Variants in SLC30A7 observed in about 807,000 individuals in gnomAD.
The protein encoded by SLC30A7 is solute carrier family 30 member 7, also known as zinc transporter 7.
Under a neutral mutation model 46.0 loss-of-function variants are expected in SLC30A7, and 35 were observed. The ratio of observed to expected loss-of-function variants is 0.76; its 90% CI spans 0.58 to 1.01. The LOEUF is 1.01. SLC30A7 is among the 50% of genes least tolerant of loss of function. SLC30A7 has a pLI of 0.00. For missense variants in SLC30A7, 464 were observed against 451.1 expected (o/e 1.03, Z -0.26); for synonymous variants, 147 against 157.8 (o/e 0.93, Z 0.51).
At chr1:100,983,891 C>T (rs781644525), downstream of SLC30A7, among the ~76,000 whole-genome samples, 8 of 152,156 alleles carry the variant, frequency 5.3e-5, no homozygotes, top group Non-Finnish European at 8.8e-5. Context: ...TCTGATTAGC[C>T]GTCGCTGTCT....
intron 8 of SLC30A7, among the ~76,000 whole-genome samples, chr1:100,924,077 G>T (rs1286636658): frequency 6.6e-6 from 1 of 152,122 alleles, no homozygotes; most frequent in Admixed American, 6.5e-5. Flanking sequence ...CAATCTCCAG[G>T]TTGACCTTTC....
intron 8 of SLC30A7, among the ~76,000 whole-genome samples, chr1:100,928,131 A>G (rs778754156): frequency 2.0e-5 from 3 of 152,200 alleles, no homozygotes; most frequent in Non-Finnish European, 2.9e-5. Context: ...TCAGTGACTG[A>G]AGGGGGGCAA....
At chr1:100,930,902 T>C (rs1422202416) in intron 8 of SLC30A7, among the ~76,000 whole-genome samples, 2 of 152,156 alleles carry the variant, frequency 1.3e-5, no homozygotes, top group Non-Finnish European at 2.9e-5. Flanking sequence ...CCTTTCTCAA[T>C]TGGGAAAGAA....
chr1:100,926,070 T>A (rs1653282434), intron 8 of SLC30A7, among the ~76,000 whole-genome samples: 1 of 152,328 alleles, frequency 6.6e-6, no homozygotes, highest in Non-Finnish European at 1.5e-5. Context: ...TCAACTACAG[T>A]AGGCTTCCAA....
intron 10 of SLC30A7, among the ~76,000 whole-genome samples, chr1:100,969,681 AG>A (rs1390541391): frequency 6.6e-6 from 1 of 152,204 alleles, no homozygotes; most frequent in African/African-American, 2.4e-5. Flanking sequence ...AAATATTTTA[AG>A]CCTTTTTATC....
intron 3 of SLC30A7, among the ~76,000 whole-genome samples, chr1:100,910,172 A>C (rs1651992696): frequency 6.6e-6 from 1 of 152,088 alleles, no homozygotes; most frequent in Non-Finnish European, 1.5e-5. Flanking sequence ...CTAGAAGTTA[A>C]CATAGAAACC....
the SLC30A7 span, chr1:100,995,039 A>G: frequency 9.1e-7 from 1 of 1,101,188 alleles, no homozygotes; most frequent in South Asian, 1.3e-5. Flanking sequence ...AACTCAGGTC[A>G]TTTAAGTAGA....
chr1:100,920,055 T>G (rs559472214), intron 7 of SLC30A7, among the ~76,000 whole-genome samples: 1 of 152,086 alleles, frequency 6.6e-6, no homozygotes, highest in Non-Finnish European at 1.5e-5. Flanking sequence ...CTTTAGGTAG[T>G]TTTAATGACA....
intron 2 of SLC30A7, among the ~76,000 whole-genome samples, chr1:100,899,283 G>A (rs540379307): frequency 2.3e-4 from 35 of 152,268 alleles, no homozygotes; most frequent in Middle Eastern, 3.4e-3. Context: ...AATAATTAAT[G>A]TATGGAATTA....
At chr1:100,955,749 A>G (rs563900560) in intron 8 of SLC30A7, among the ~76,000 whole-genome samples, 17 of 152,226 alleles carry the variant, frequency 1.1e-4, no homozygotes, top group African/African-American at 2.4e-4. Flanking sequence ...GCTAAACACA[A>G]TTTTAAAAGG....
chr1:100,911,849 G>A (rs989882218), intron 4 of SLC30A7, among the ~76,000 whole-genome samples: 1 of 152,156 alleles, frequency 6.6e-6, no homozygotes, highest in Non-Finnish European at 1.5e-5. Context: ...ATGAAAGGCA[G>A]TATTTCAAGA....
chr1:100,929,787 T>A (rs900401530), intron 8 of SLC30A7, among the ~76,000 whole-genome samples: 2 of 152,116 alleles, frequency 1.3e-5, no homozygotes, highest in African/African-American at 2.4e-5. Context: ...TGAGTTGTAT[T>A]GTGATGAATT....
chr1:100,990,298 G>A, the SLC30A7 span: 7 of 992,708 alleles, frequency 7.1e-6, no homozygotes, highest in South Asian at 8.9e-5. Context: ...CACAACACCT[G>A]GGAATTATGA....
downstream of SLC30A7, among the ~76,000 whole-genome samples, chr1:100,986,114 A>G (rs190048213): frequency 1.2e-3 from 181 of 152,314 alleles, 1 homozygote; most frequent in African/African-American, 4.2e-3. Context: ...AAACCACAAC[A>G]AAGACACCAC....
At chr1:100,912,059 T>C in intron 4 of SLC30A7, 53 bp from the exon 5 acceptor site, 2 of 1,511,952 alleles carry the variant, frequency 1.3e-6, no homozygotes, top group South Asian at 1.2e-5. Context: ...TTTTGTTAGT[T>C]GATCAATCAG....
intron 7 of SLC30A7, among the ~76,000 whole-genome samples, chr1:100,918,618 A>G (rs1376237017): frequency 6.6e-6 from 1 of 152,188 alleles, no homozygotes; most frequent in Non-Finnish European, 1.5e-5. Flanking sequence ...CATTTAATAC[A>G]CCTAACCTAC....
intron 4 of SLC30A7, 122 bp from the exon 5 acceptor site, chr1:100,911,989 GA>G (rs1292067598): frequency 1.9e-5 from 16 of 829,250 alleles, no homozygotes; most frequent in South Asian, 9.8e-5. Flanking sequence ...TGTTTTGGGA[GA>G]TTTTTTTTAG....
intron 10 of SLC30A7, among the ~76,000 whole-genome samples, chr1:100,968,921 C>A (rs1338279718): frequency 6.6e-6 from 1 of 152,164 alleles, no homozygotes; most frequent in African/African-American, 2.4e-5. Flanking sequence ...GGAAAAATAT[C>A]GTTGGGTTCC....
At chr1:100,925,368 T>C (rs1426679415) in intron 8 of SLC30A7, among the ~76,000 whole-genome samples, 1 of 152,204 alleles carries the variant, frequency 6.6e-6, no homozygotes, top group African/African-American at 2.4e-5. Flanking sequence ...TGGGACACAA[T>C]AAGGATATTT....
Sources: allele counts gnomAD v4.1 joint callset (sites outside exome capture counted in the v4.1 genomes callset), GRCh38; gene constraint gnomAD v4.1.1; transcripts MANE v1.5; gene names NCBI Gene and HGNC (gene_info 2026-07-23, HGNC 2026-07-21).